The following PPP1R37 variants were observed in gnomAD, a reference collection of about 807,000 sequenced individuals.
The protein encoded by PPP1R37 is leucine rich repeat containing 68.
Under a neutral mutation model 61.0 loss-of-function variants are expected in PPP1R37, and 21 were observed. That is an observed-to-expected ratio of 0.34 (90% CI 0.24 to 0.50). The LOEUF (loss-of-function observed/expected upper bound fraction) is 0.50. Ranked by LOEUF, PPP1R37 falls within the 20% of genes least tolerant of loss-of-function variation. The pLI, the probability that PPP1R37 is intolerant of heterozygous loss-of-function variation, is 0.98. For missense variants in PPP1R37, 910 were observed against 952.7 expected, an observed-to-expected ratio of 0.96 and a Z score of 0.59; for synonymous variants, 443 against 433.5, an observed-to-expected ratio of 1.02 and a Z score of -0.27.
At chr19:45,126,575 C>G (rs1968407877) in intron 1 of PPP1R37, among the ~76,000 whole-genome samples, 2 of 152,196 alleles carry the variant, frequency 1.3e-5, no homozygotes, top group African/African-American at 2.4e-5. Flanking sequence ...CACCCTCGCC[C>G]TACCTCCCCG....
At chr19:45,120,069 G>C (rs1326679284) in intron 1 of PPP1R37, among the ~76,000 whole-genome samples, 1 of 133,546 alleles carries the variant, frequency 7.5e-6, no homozygotes, top group Non-Finnish European at 1.6e-5. Flanking sequence ...CCAGGCTGGA[G>C]TGCAGTGGCG....
chr19:45,122,880 C>A (rs1968358639), intron 1 of PPP1R37, among the ~76,000 whole-genome samples: 1 of 152,136 alleles, frequency 6.6e-6, no homozygotes, highest in Admixed American at 6.5e-5. Flanking sequence ...GGACCTTGAC[C>A]CCTCCAGCCT....
At chr19:45,142,575 C>T (rs1041632539) in intron 7 of PPP1R37, 117 bp downstream of exon 7, 3 of 1,092,450 alleles carry the variant, frequency 2.7e-6, no homozygotes, top group Middle Eastern at 4.8e-4. Context: ...CGCTGTCCTG[C>T]TGGGGCTCCC....
chr19:45,122,182 G>A (rs1007951349), intron 1 of PPP1R37, among the ~76,000 whole-genome samples: 2 of 152,214 alleles, frequency 1.3e-5, no homozygotes, highest in South Asian at 2.1e-4. Context: ...GTGAAGGTGC[G>A]TAGAAGGCAT....
In PPP1R37 at chr19:45,145,424, G is replaced by A. The variant is rs1428459695; in HGVS notation, c.1368G>A (p.Val456=). ...AGAACGGCTGCAAGCGCAACTTGGT[G>A]CTGGCGCGGGAGAGGGAGGAGAAGG... ...EIQNGCKRNL[V]LAREREEKEQ... The change falls in exon 11 of 13, where the codon GTG becomes GTA. Residue 456 remains valine, a synonymous_variant. Transcript: ENST00000221462. 4 of 1,535,364 alleles carry A rather than the reference G, an allele frequency of 2.6e-6. No individual in the cohort carries two copies. The highest frequency in any genetic ancestry group is 1.7e-4 in the Middle Eastern group (1 of 5,954).
chr19:45,105,027 A>T (rs1968112369), intron 1 of PPP1R37, among the ~76,000 whole-genome samples: 1 of 152,148 alleles, frequency 6.6e-6, no homozygotes, highest in Admixed American at 6.5e-5. Context: ...AAGCATCACT[A>T]GGCAGTGGTG....
chr19:45,143,252 A>T (rs2122757181), intron 7 of PPP1R37: 1 of 384,048 alleles, frequency 2.6e-6, no homozygotes, highest in Middle Eastern at 7.6e-4. Context: ...GGTGGGAGTG[A>T]GCTGGCTGTG....
chr19:45,117,135 ACTC>A (rs1968279049), intron 1 of PPP1R37, among the ~76,000 whole-genome samples: 2 of 151,564 alleles, frequency 1.3e-5, no homozygotes, highest in African/African-American at 4.8e-5. Flanking sequence ...CTGGTCTCGA[ACTC>A]CTGACCTCAA....
At chr19:45,138,669 G>A in intron 2 of PPP1R37, 58 bp downstream of exon 2, 3 of 1,295,996 alleles carry the variant, frequency 2.3e-6, no homozygotes, top group Non-Finnish European at 3.2e-6. Context: ...GCCCTAGGGT[G>A]GAACCAGCCC....
intron 7 of PPP1R37, chr19:45,143,110 G>C (rs1968635801): frequency 5.8e-6 from 1 of 173,728 alleles, no homozygotes; most frequent in Admixed American, 5.7e-5. Context: ...CCTGGGCTCA[G>C]CTCGGAGGGA....
intron 1 of PPP1R37, among the ~76,000 whole-genome samples, chr19:45,122,987 A>G (rs1599701575): frequency 6.6e-6 from 1 of 152,210 alleles, no homozygotes; most frequent in East Asian, 1.9e-4. Flanking sequence ...CTTTCTTCAC[A>G]AAGTTCCCTC....
Position 45,138,533 on chromosome 19 carries a change from C to T in PPP1R37, c.222C>T (p.Asp74=), listed in dbSNP as rs1456503730. ...CTGCAGCCCAGAATGTGACCGTGGA[C>T]GAGGTCATCGGCGCCTACAAGCAGG... The part of the protein sequence containing the change: ...PWRHAQNVTV[D]EVIGAYKQAC... The change falls in exon 2 of 13, where the codon GAC becomes GAT. Residue 74 remains aspartate, a synonymous_variant. Coordinates refer to ENST00000221462, the MANE Select transcript of PPP1R37 (RefSeq NM_019121.2). 4 of 1,533,386 alleles carry T rather than the reference C, an allele frequency of 2.6e-6. No individual in the cohort carries two copies. The highest frequency in any genetic ancestry group is 2.4e-5 in the South Asian group (2 of 84,026). 95.0% of individuals were successfully genotyped at this position (1,533,386 alleles called of 1,614,324 possible).
In PPP1R37 at chr19:45,146,797, G is replaced by T. The variant is rs1395607710; in HGVS notation, c.*235G>T. 2 of 254,502 alleles carry T rather than the reference G, an allele frequency of 7.9e-6. No individual in the cohort carries two copies. Among genetic ancestry groups the T allele is most frequent in the African/African-American group, 2.3e-5 (1 of 43,910 alleles). The allele number at this position is 254,502 out of a possible 1,614,324, so 15.8% of individuals were successfully genotyped here. ...AGCCCAGCACTGGAAGACTCTGGGG[G>T]TGAATGGGAGGAGGGGGAGCAGGAG... On this transcript the variant is annotated 3_prime_UTR_variant, in exon 13 of 13. Transcript: ENST00000221462.
chr19:45,123,737 G>T (rs1968368887), intron 1 of PPP1R37, among the ~76,000 whole-genome samples: 1 of 152,234 alleles, frequency 6.6e-6, no homozygotes. Context: ...ACCATTCTGT[G>T]CAGGGAATGC....
intron 1 of PPP1R37, chr19:45,128,583 G>C: frequency 7.9e-7 from 1 of 1,263,246 alleles, no homozygotes; most frequent in Non-Finnish European, 1.1e-6. Context: ...AGATGATTTG[G>C]ACTTCGAGAC....
At position 45,145,514 on chromosome 19, in the gene PPP1R37, C is replaced by A; in HGVS notation, c.1458C>A (p.Asp486Glu). 1.3e-6 allele frequency: 2 copies of A among 1,533,980 alleles called. No homozygotes were observed. Among genetic ancestry groups the A allele is most frequent in the Non-Finnish European group, 1.7e-6 (2 of 1,145,958 alleles). Residue 486 changes from aspartate to glutamate, a missense_variant, in exon 11 of 13, where the codon GAC (aspartate) becomes GAA (glutamate). Coordinates refer to ENST00000221462, the MANE Select transcript of PPP1R37 (RefSeq NM_019121.2). The stretch of plus-strand genomic sequence containing the variant: ...CCGCCACCGAGCCCCAGCCCGACGA[C>A]GAGCCCGCCGCTGGGGTGCAGAACG... The part of the protein sequence containing the change: ...ETTATEPQPD[D>E]EPAAGVQNGA...
At chr19:45,103,110 C>T (rs1045239199) in intron 1 of PPP1R37, among the ~76,000 whole-genome samples, 4 of 152,226 alleles carry the variant, frequency 2.6e-5, no homozygotes, top group Non-Finnish European at 5.9e-5. Flanking sequence ...TCCCCAGCAC[C>T]CTCCATGGTG....
chr19:45,094,245 G>T (rs1402930444), intron 1 of PPP1R37, among the ~76,000 whole-genome samples: 2 of 152,150 alleles, frequency 1.3e-5, no homozygotes, highest in Non-Finnish European at 2.9e-5. Context: ...TGGCCTCCCA[G>T]AGTGTTGGGA....
intron 1 of PPP1R37, among the ~76,000 whole-genome samples, chr19:45,131,186 G>A (rs1330370345): frequency 6.6e-6 from 1 of 152,222 alleles, no homozygotes; most frequent in East Asian, 1.9e-4. Context: ...GCGGGAGTGG[G>A]AGGCAAGCTC....
Sources: gnomAD v4.1 joint callset for allele counts (sites outside exome capture counted in the v4.1 genomes callset) on GRCh38, gnomAD v4.1.1 for gene constraint, MANE v1.5 for transcripts, NCBI Gene and HGNC (gene_info 2026-07-23, HGNC 2026-07-21) for gene names.